Variants in UTP25 observed in about 807,000 individuals in gnomAD.
The protein encoded by UTP25 is UTP25 small subunit processome component.
Under a neutral mutation model 78.9 loss-of-function variants are expected in UTP25, and 50 were observed. That is an observed-to-expected ratio of 0.63 (90% CI 0.50 to 0.80). The LOEUF is 0.80. Ranked by LOEUF, UTP25 falls within the 30% of genes least tolerant of loss-of-function variation. The pLI is 0.00. For synonymous variants in UTP25, 329 were observed against 336.5 expected, an observed-to-expected ratio of 0.98 and a Z score of 0.24; for missense variants, 846 against 911.3, an observed-to-expected ratio of 0.93 and a Z score of 0.92.
At chr1:209,849,515 G>GGGGGACAGGGTGGCTCC (rs1369004067) in intron 11 of UTP25, among the ~76,000 whole-genome samples, 59 of 152,174 alleles carry the variant, frequency 3.9e-4, no homozygotes, top group African/African-American at 1.4e-3. Flanking sequence ...GATTAGGGGT[G>GGGGGACAGGGTGGCTCC]GGGGACAGGG....
intron 7 of UTP25, among the ~76,000 whole-genome samples, chr1:209,840,115 C>G (rs923124718): frequency 1.3e-5 from 2 of 152,172 alleles, no homozygotes; most frequent in African/African-American, 4.8e-5. Context: ...CATAAGGAGA[C>G]AAGAGCTCGT....
Position 209,833,378 on chromosome 1 carries a change from T to G in UTP25, c.562+20T>G, listed in dbSNP as rs765677731. 1.3e-6 allele frequency: 2 copies of G among 1,504,478 alleles called. No homozygotes were observed. Among genetic ancestry groups the G allele is most frequent in the African/African-American group, 2.8e-5 (2 of 70,438 alleles). 93.2% of individuals were successfully genotyped at this position (1,504,478 alleles called of 1,614,324 possible). A position where few individuals can be genotyped will look rare whatever the true frequency, so the allele number is the denominator to read the frequency against. On this transcript the variant is annotated intron_variant, in intron 4 of 11. Coordinates refer to ENST00000491415, the MANE Select transcript of UTP25 (RefSeq NM_014388.7). ...CTCAAGGTCATAGCACAGTGTGTGT[T>G]ATTTGAATTCACCAGGTGCTTAGTA...
rs1157255732 is a variant in UTP25 at position 209,828,187 on chromosome 1, C to T, written c.107+17C>T. ...CTATGACAGGTCTGAAGGGGCGTGGCAGGGCTCCCCAGTCGCCAGAGATGT... is the reference window on the plus strand; with the variant it reads ...CTATGACAGGTCTGAAGGGGCGTGGTAGGGCTCCCCAGTCGCCAGAGATGT... On this transcript the variant is annotated intron_variant, in intron 1 of 11. Coordinates refer to ENST00000491415, the MANE Select transcript of UTP25 (RefSeq NM_014388.7). The T allele has an allele frequency of 1.9e-6, 3 of 1,586,276 alleles. No individual in the cohort carries two copies. The highest frequency in any genetic ancestry group is 2.2e-5 in the South Asian group (2 of 90,494).
intron 3 of UTP25, among the ~76,000 whole-genome samples, chr1:209,832,142 A>T (rs932937159): frequency 7.9e-5 from 12 of 151,744 alleles, no homozygotes; most frequent in South Asian, 2.1e-4. Flanking sequence ...AAAAATGAAA[A>T]TTTTTTTATC....
intron 11 of UTP25, among the ~76,000 whole-genome samples, chr1:209,849,698 G>A (rs185024946): frequency 6.6e-6 from 1 of 152,310 alleles, no homozygotes; most frequent in Non-Finnish European, 1.5e-5. Flanking sequence ...ATGAGTGGAT[G>A]TGAACTAAAG....
chr1:209,842,709 C>T lies in UTP25; in HGVS notation c.1781+14C>T. On this transcript the variant is annotated intron_variant, in intron 10 of 11. Transcript: ENST00000491415. ...GATTGATGCCAGGTAACCCACTCCT[C>T]CCAGCAGGCCCCTGGGGACCACATA... 1 of 1,582,442 alleles carries T rather than the reference C, an allele frequency of 6.3e-7. No homozygotes were observed. Among genetic ancestry groups the T allele is most frequent in the Non-Finnish European group, 8.6e-7 (1 of 1,156,954 alleles).
chr1:209,843,457 C>T lies in UTP25; in HGVS notation c.1788C>T (p.Asn596=), dbSNP rs1322909784. 3 of 1,613,676 alleles carry T rather than the reference C, an allele frequency of 1.9e-6. No individual in the cohort carries two copies. Among genetic ancestry groups the T allele is most frequent in the Non-Finnish European group, 2.5e-6 (3 of 1,179,818 alleles). Residue 596 remains asparagine, a synonymous_variant, in exon 11 of 12, where the codon AAC becomes AAT. Transcript: ENST00000491415. ...CTTTGCCATTCCAAATCAGGTTTAA[C>T]TTTTTTGTGAACAAGATTTTGCCAC... ...NLASVIDARF[N]FFVNKILPQY...
Position 209,842,610 on chromosome 1 carries a change from G to C in UTP25, c.1696G>C (p.Gly566Arg). The part of the protein sequence containing the change: ...QVAVRNVPMT[G>R]SISHVLVQLP... Reference sequence around the variant, plus strand: ...GGCCGTGAGGAATGTCCCAATGACAGGCTCTATCAGTCATGTCCTGGTGCA... The same window carrying C: ...GGCCGTGAGGAATGTCCCAATGACACGCTCTATCAGTCATGTCCTGGTGCA... Residue 566 changes from glycine to arginine, a missense_variant, in exon 10 of 12, where the codon GGC becomes CGC. Gly to Arg is a moderately radical substitution (Grantham distance 125). Coordinates refer to ENST00000491415, the MANE Select transcript of UTP25 (RefSeq NM_014388.7). The C allele has an allele frequency of 6.2e-7, 1 of 1,613,938 alleles. No homozygotes were observed. The highest frequency in any genetic ancestry group is 8.5e-7 in the Non-Finnish European group (1 of 1,179,938).
intron 4 of UTP25, among the ~76,000 whole-genome samples, 182 bp downstream of exon 4, chr1:209,833,540 G>A (rs544049141): frequency 6.6e-6 from 1 of 152,234 alleles, no homozygotes; most frequent in East Asian, 1.9e-4. Flanking sequence ...GGGGTTGGAC[G>A]GGACATTTAG....
intron 11 of UTP25, among the ~76,000 whole-genome samples, chr1:209,849,047 C>T (rs962544718): frequency 3.9e-5 from 6 of 151,982 alleles, no homozygotes; most frequent in Non-Finnish European, 8.8e-5. Context: ...GGCCTTGACA[C>T]GTGTGCCAGA....
At chr1:209,835,043 T>C (rs1355599717) in intron 4 of UTP25, 32 bp from the exon 5 acceptor site, 3 of 1,569,804 alleles carry the variant, frequency 1.9e-6, no homozygotes, top group Middle Eastern at 1.7e-4. Flanking sequence ...TGTAGTTGCA[T>C]AGTGTGCTGA....
In UTP25 at chr1:209,853,698, G is replaced by T. The variant is rs1038557295; in HGVS notation, c.*2251G>T. 1 of 152,152 alleles carries T rather than the reference G, an allele frequency of 6.6e-6. No individual in the cohort carries two copies. Among genetic ancestry groups the T allele is most frequent in the Non-Finnish European group, 1.5e-5 (1 of 68,032 alleles). 9.4% of individuals were successfully genotyped at this position (152,152 alleles called of 1,614,324 possible). ...TTTCTACTGCCATATTCTTTTGCCTGTGAATTGTAGTTCATCTCGTGGTTT... is the reference window on the plus strand; with the variant it reads ...TTTCTACTGCCATATTCTTTTGCCTTTGAATTGTAGTTCATCTCGTGGTTT... On this transcript the variant is annotated 3_prime_UTR_variant, in exon 12 of 12. Coordinates refer to ENST00000491415, the MANE Select transcript of UTP25 (RefSeq NM_014388.7).
At chr1:209,849,850 G>A (rs1325547136) in intron 11 of UTP25, among the ~76,000 whole-genome samples, 1 of 152,224 alleles carries the variant, frequency 6.6e-6, no homozygotes, top group Non-Finnish European at 1.5e-5. Context: ...CTAAGGTGCA[G>A]TAGTTCCTGT....
At position 209,837,179 on chromosome 1, in the gene UTP25, G is replaced by T. The variant is rs41274840; in HGVS notation, c.1030G>T (p.Asp344Tyr). 6.2e-7 allele frequency: 1 copy of T among 1,614,024 alleles called. No individual in the cohort carries two copies. Among genetic ancestry groups the T allele is most frequent in the Non-Finnish European group, 8.5e-7 (1 of 1,179,974 alleles). ...SQKFGVGDDD[D>Y]FRDQGLTRPK... ...GAAGTTTGGAGTGGGTGATGATGAT[G>T]ACTTCAGAGACCAAGGGTTAACAAG... The change falls in exon 6 of 12, where the codon GAC becomes TAC. Residue 344 changes from aspartate (D) to tyrosine (Y), a missense_variant. Transcript: ENST00000491415.
chr1:209,851,552 A>T lies in UTP25; in HGVS notation c.*105A>T, dbSNP rs2078238601. ...TTACAGAAGAAGGACTGATACAAAG[A>T]AAGTGCATGAGGCAATGTCAGTATT... is the stretch of plus-strand genomic sequence containing the variant. On this transcript the variant is annotated 3_prime_UTR_variant, in exon 12 of 12. Transcript: ENST00000491415. 1 of 1,403,012 alleles carries T rather than the reference A, an allele frequency of 7.1e-7. No homozygotes were observed. Among genetic ancestry groups the T allele is most frequent in the South Asian group, 1.5e-5 (1 of 68,216 alleles). The allele number at this position is 1,403,012 out of a possible 1,614,324, so 86.9% of individuals were successfully genotyped here.
In UTP25 at chr1:209,836,874, T is replaced by C. The variant is rs143934578; in HGVS notation, c.725T>C (p.Ile242Thr). The C allele has an allele frequency of 6.2e-7, 1 of 1,614,170 alleles. No homozygotes were observed. Residue 242 changes from isoleucine (I) to threonine (T), a missense_variant, in exon 6 of 12, where the codon ATT becomes ACT. Physicochemically the swap from Ile to Thr is moderately conservative, Grantham distance 89 (BLOSUM62 -1). Coordinates refer to ENST00000491415, the MANE Select transcript of UTP25 (RefSeq NM_014388.7). ...GAAACATTTAAACCCCCAAAGGATA[T>C]TGACTTAAAGTCACTTCATCTCCAG... ...KLETFKPPKD[I>T]DLKSLHLQKP...
chr1:209,832,757 G>A (rs892806091), intron 3 of UTP25, among the ~76,000 whole-genome samples: 4 of 152,168 alleles, frequency 2.6e-5, no homozygotes, highest in African/African-American at 9.7e-5. Context: ...GGTGGTGCAT[G>A]CCTGTAGTTT....
Position 209,838,821 on chromosome 1 carries a change from C to G in UTP25, c.1063-88C>G, listed in dbSNP as rs12410312. 3,199 of 1,437,444 alleles carry G rather than the reference C, an allele frequency of 2.2e-3. 133 individuals are homozygous for G. In the Admixed American group the frequency reaches 0.051, roughly 23 times the overall value. 89.0% of individuals were successfully genotyped at this position (1,437,444 alleles called of 1,614,324 possible). On this transcript the variant is annotated intron_variant, in intron 6 of 11. Coordinates refer to ENST00000491415, the MANE Select transcript of UTP25 (RefSeq NM_014388.7). The stretch of plus-strand genomic sequence containing the variant: ...CTGGGGGCCACTGCTCTACATGGAG[C>G]TTTTTAGCTCCACTTCCTCAGCAGT...
chr1:209,842,704 C>G lies in UTP25; in HGVS notation c.1781+9C>G, dbSNP rs1372575946. On this transcript the variant is annotated intron_variant, in intron 10 of 11. Coordinates refer to ENST00000491415, the MANE Select transcript of UTP25 (RefSeq NM_014388.7). ...TCAGTGATTGATGCCAGGTAACCCA[C>G]TCCTCCCAGCAGGCCCCTGGGGACC... 1.3e-6 allele frequency: 2 copies of G among 1,599,542 alleles called. No homozygotes were observed. Among genetic ancestry groups the G allele is most frequent in the South Asian group, 2.2e-5 (2 of 89,184 alleles).
Sources: gnomAD v4.1 joint callset for allele counts (sites outside exome capture counted in the v4.1 genomes callset) on GRCh38, gnomAD v4.1.1 for gene constraint, MANE v1.5 for transcripts, NCBI Gene and HGNC (gene_info 2026-07-23, HGNC 2026-07-21) for gene names.